Variants in RALGPS1 observed in about 807,000 individuals in gnomAD.
The protein encoded by RALGPS1 is ras-specific guanine nucleotide-releasing factor RalGPS1.
In RALGPS1, 19 loss-of-function variants were observed where a neutral mutation model predicts 78.8. The ratio of observed to expected loss-of-function variants is 0.24; its 90% CI spans 0.17 to 0.35. RALGPS1 has a LOEUF of 0.35. Among genes scored for constraint, RALGPS1 ranks in the 10% least tolerant of loss-of-function variants. RALGPS1 has a pLI of 1.00. For synonymous variants in RALGPS1, 228 were observed against 256.3 expected (o/e 0.89, Z 1.06); for missense variants, 454 against 688.3 (o/e 0.66, Z 3.81).
At chr9:127,179,144 C>G (rs544605982) in intron 11 of RALGPS1, among the ~76,000 whole-genome samples, 1 of 152,324 alleles carries the variant, frequency 6.6e-6, no homozygotes, top group South Asian at 2.1e-4. Context: ...AGAGCAAGCC[C>G]CAGCTCATAG....
chr9:127,207,285 G>A (rs1323074216), intron 14 of RALGPS1, among the ~76,000 whole-genome samples: 3 of 152,020 alleles, frequency 2.0e-5, no homozygotes, highest in Admixed American at 6.5e-5. Context: ...GTTGCCAGTC[G>A]ATGTCTTCCC....
chr9:127,107,593 G>T (rs895527164), intron 8 of RALGPS1, among the ~76,000 whole-genome samples: 1 of 152,216 alleles, frequency 6.6e-6, no homozygotes, highest in Non-Finnish European at 1.5e-5. Flanking sequence ...TCTTCTATCT[G>T]CCAACACACG....
chr9:127,001,751 G>A (rs781024426), intron 4 of RALGPS1, among the ~76,000 whole-genome samples: 1 of 152,140 alleles, frequency 6.6e-6, no homozygotes, highest in Non-Finnish European at 1.5e-5. Flanking sequence ...GGGCGTGGAG[G>A]CGTGTGCCTG....
In RALGPS1 at chr9:127,188,056, C is replaced by CTTT. The variant is rs35971647; in HGVS notation, c.911-7013_911-7011dup. On this transcript the variant is annotated intron_variant, in intron 11 of 18. Coordinates refer to ENST00000259351, the MANE Select transcript of RALGPS1 (RefSeq NM_014636.3). ...ATATTCTTTGGTTAAGAATTAGAGC[C>CTTT]TTTTTTTTTTTTTTTTTTTTTTTTA... 1.0e-3 allele frequency among the ~76,000 whole-genome samples: 83 copies of CTTT among 81,690 alleles called. 1 individual carries two copies. Among genetic ancestry groups the CTTT allele is most frequent in the African/African-American group, 2.4e-3 (49 of 20,738 alleles). The allele number at this position is 81,690 out of a possible 152,430, so 53.6% of individuals were successfully genotyped here.
intron 11 of RALGPS1, among the ~76,000 whole-genome samples, chr9:127,184,611 G>A (rs1259850083): frequency 2.0e-5 from 3 of 152,220 alleles, no homozygotes; most frequent in African/African-American, 7.2e-5. Context: ...AAACACTGAG[G>A]ACACTGAGCC....
At chr9:126,931,867 C>T (rs1291151009) in intron 1 of RALGPS1, among the ~76,000 whole-genome samples, 3 of 152,064 alleles carry the variant, frequency 2.0e-5, no homozygotes, top group African/African-American at 7.2e-5. Flanking sequence ...AAGAACCAGC[C>T]ATCATCTCAT....
chr9:127,174,368 G>T (rs1418007347), intron 10 of RALGPS1, among the ~76,000 whole-genome samples: 4 of 152,152 alleles, frequency 2.6e-5, no homozygotes, highest in African/African-American at 9.7e-5. Flanking sequence ...ACACATTCCT[G>T]GGTTTGATCC....
intron 8 of RALGPS1, among the ~76,000 whole-genome samples, chr9:127,152,312 G>A (rs1453050195): frequency 1.3e-5 from 2 of 152,126 alleles, no homozygotes; most frequent in African/African-American, 4.8e-5. Context: ...TTCTTTCCCC[G>A]AATGTACCCT....
chr9:126,988,643 G>T (rs915231178), intron 4 of RALGPS1, among the ~76,000 whole-genome samples: 1 of 152,218 alleles, frequency 6.6e-6, no homozygotes, highest in Non-Finnish European at 1.5e-5. Context: ...AACTGAGACA[G>T]AACCACCTGT....
chr9:126,989,418 G>A (rs2042086332), intron 4 of RALGPS1, among the ~76,000 whole-genome samples: 1 of 152,212 alleles, frequency 6.6e-6, no homozygotes, highest in Non-Finnish European at 1.5e-5. Flanking sequence ...AGAGCATACA[G>A]CAGCGTGGAG....
intron 8 of RALGPS1, among the ~76,000 whole-genome samples, chr9:127,079,406 G>A (rs184657420): frequency 2.6e-5 from 4 of 152,298 alleles, no homozygotes; most frequent in South Asian, 2.1e-4. Context: ...GATGGCCCCC[G>A]ATGATTTCTG....
chr9:127,108,713 T>C, intron 8 of RALGPS1: 1 of 1,608,724 alleles, frequency 6.2e-7, no homozygotes, highest in African/African-American at 1.3e-5. Flanking sequence ...CACCAGCATG[T>C]CACGCACAGT....
intron 2 of RALGPS1, among the ~76,000 whole-genome samples, chr9:126,962,768 G>A (rs2039024165): frequency 6.6e-6 from 1 of 152,248 alleles, no homozygotes; most frequent in African/African-American, 2.4e-5. Flanking sequence ...CTGGTGGTCT[G>A]CAGTGGCCTG....
At chr9:127,213,660 C>T (rs2062412617) in intron 17 of RALGPS1, 1 of 152,514 alleles carries the variant, frequency 6.6e-6, no homozygotes, top group Non-Finnish European at 1.5e-5. Context: ...TGACAAAAAC[C>T]CAAAATTGCC....
At chr9:126,977,359 C>T (rs1403248556) in intron 3 of RALGPS1, among the ~76,000 whole-genome samples, 1 of 152,162 alleles carries the variant, frequency 6.6e-6, no homozygotes, top group Non-Finnish European at 1.5e-5. Flanking sequence ...AAAAGTAGTT[C>T]ATGCTTGAAA....
At chr9:126,964,828 A>G (rs1015396441) in intron 2 of RALGPS1, among the ~76,000 whole-genome samples, 1 of 152,212 alleles carries the variant, frequency 6.6e-6, no homozygotes, top group East Asian at 1.9e-4. Context: ...TTTCAGGAAG[A>G]TTACAAAGTT....
Position 127,196,394 on chromosome 9 carries a change from G to C in RALGPS1, c.1038-80G>C, listed in dbSNP as rs1189277853. 6 of 1,508,192 alleles carry C rather than the reference G, an allele frequency of 4.0e-6. No individual in the cohort carries two copies. In the Admixed American group the frequency reaches 1.2e-4, roughly 30 times the overall value. The allele number at this position is 1,508,192 out of a possible 1,614,324, so 93.4% of individuals were successfully genotyped here. A position where few individuals can be genotyped will look rare whatever the true frequency, so the allele number is the denominator to read the frequency against. ...CCTTTTTCCTGCAGCTGCACCATCT[G>C]CTCCGGCCCCAGGCAGGTGTAACCA... On this transcript the variant is annotated intron_variant, in intron 12 of 18. Transcript: ENST00000259351.
intron 4 of RALGPS1, among the ~76,000 whole-genome samples, chr9:127,019,548 C>T (rs575737363): frequency 2.6e-5 from 4 of 152,208 alleles, no homozygotes; most frequent in African/African-American, 9.6e-5. Flanking sequence ...AGGATGGTCT[C>T]GATCTCCAGA....
intron 8 of RALGPS1, among the ~76,000 whole-genome samples, chr9:127,099,892 T>TG (rs1412443778): frequency 2.0e-5 from 3 of 152,216 alleles, no homozygotes; most frequent in Non-Finnish European, 4.4e-5. Context: ...CCTCAAACGA[T>TG]GGGCATGGTG....
Sources: gnomAD v4.1 joint callset for allele counts (sites outside exome capture counted in the v4.1 genomes callset) on GRCh38, gnomAD v4.1.1 for gene constraint, MANE v1.5 for transcripts, NCBI Gene and HGNC (gene_info 2026-07-23, HGNC 2026-07-21) for gene names.